The following GLRA2 variants were observed in gnomAD, a reference collection of about 807,000 sequenced individuals.
GLRA2 encodes the protein glycine receptor subunit alpha-2.
In GLRA2, 11 loss-of-function variants were observed where a neutral mutation model predicts 31.6. That is an observed-to-expected ratio of 0.35 (90% CI 0.22 to 0.58). The LOEUF is 0.58. Ranked by LOEUF, GLRA2 falls within the 20% of genes least tolerant of loss-of-function variation. The pLI is 0.84. For missense variants in GLRA2, 212 were observed against 351.8 expected (o/e 0.60, Z 3.18); for synonymous variants, 132 against 134.0 (o/e 0.99, Z 0.10).
intron 7 of GLRA2, among the ~76,000 whole-genome samples, chrX:14,662,778 G>A (rs1412051494): frequency 9.0e-6 from 1 of 111,547 alleles, no homozygotes; most frequent in African/African-American, 3.2e-5. Context: ...TTAAAACATA[G>A]GATACTGAAC....
chrX:14,490,707 C>A, the GLRA2 span, among the ~76,000 whole-genome samples: 1 of 111,751 alleles, frequency 8.9e-6, no homozygotes, highest in Non-Finnish European at 1.9e-5. Flanking sequence ...GTCATTGATG[C>A]TAAATCGGTG....
At chrX:14,516,197 G>A in the GLRA2 span, among the ~76,000 whole-genome samples, 2 of 110,754 alleles carry the variant, frequency 1.8e-5, no homozygotes, top group Admixed American at 9.6e-5. Context: ...TGGCTCTAGC[G>A]TTTCTCTATT....
chrX:14,478,708 G>A, the GLRA2 span, among the ~76,000 whole-genome samples: 1 of 112,037 alleles, frequency 8.9e-6, no homozygotes, highest in Non-Finnish European at 1.9e-5. Context: ...GAAGCTCCCA[G>A]CTAAATTTAT....
At chrX:14,515,882 A>G in the GLRA2 span, among the ~76,000 whole-genome samples, 4 of 111,810 alleles carry the variant, frequency 3.6e-5, no homozygotes, top group Non-Finnish European at 7.5e-5. Flanking sequence ...AAACCTTGAG[A>G]TGTGTGTTGA....
At chrX:14,685,998 TC>T (rs1363521044) in intron 7 of GLRA2, among the ~76,000 whole-genome samples, 2 of 112,000 alleles carry the variant, frequency 1.8e-5, no homozygotes, top group African/African-American at 6.5e-5. Context: ...TCCCAGAGAT[TC>T]TGGTATGTTG....
intron 7 of GLRA2, among the ~76,000 whole-genome samples, chrX:14,682,995 G>C (rs1213205255): frequency 9.0e-6 from 1 of 111,590 alleles, no homozygotes. Context: ...ATTGTGAATA[G>C]TGCCGCAATA....
chrX:14,490,998 C>A, the GLRA2 span, among the ~76,000 whole-genome samples: 1 of 111,717 alleles, frequency 9.0e-6, no homozygotes, highest in African/African-American at 3.3e-5. Context: ...TTTCTCCAGT[C>A]TATCTCTATT....
intron 2 of GLRA2, among the ~76,000 whole-genome samples, chrX:14,563,872 C>A (rs771778364): frequency 9.0e-6 from 1 of 111,041 alleles, no homozygotes; most frequent in Non-Finnish European, 1.9e-5. Flanking sequence ...AAGAAAGAAT[C>A]AGTTAATGAA....
the GLRA2 span, among the ~76,000 whole-genome samples, chrX:14,468,896 T>C: frequency 8.8e-4 from 97 of 110,770 alleles, no homozygotes; most frequent in Non-Finnish European, 1.7e-3. Context: ...GGTTTTGATT[T>C]GCATTTCTCT....
At chrX:14,452,025 A>T in the GLRA2 span, among the ~76,000 whole-genome samples, 1 of 112,147 alleles carries the variant, frequency 8.9e-6, no homozygotes, top group Middle Eastern at 4.6e-3. Context: ...GAATGTCATG[A>T]TGGAAAGAGG....
intron 7 of GLRA2, among the ~76,000 whole-genome samples, chrX:14,664,265 T>A (rs1322368980): frequency 8.9e-6 from 1 of 112,078 alleles, no homozygotes; most frequent in Admixed American, 9.5e-5. Flanking sequence ...AAATTCATGC[T>A]TTCCCCAGAA....
the GLRA2 span, among the ~76,000 whole-genome samples, chrX:14,509,703 T>C: frequency 1.8e-5 from 2 of 112,283 alleles, no homozygotes; most frequent in African/African-American, 6.5e-5. Context: ...AATCAAGGAA[T>C]AATGAATTAA....
At chrX:14,544,181 A>G (rs1470521479) in intron 2 of GLRA2, among the ~76,000 whole-genome samples, 1 of 112,032 alleles carries the variant, frequency 8.9e-6, no homozygotes, top group Non-Finnish European at 1.9e-5. Context: ...TGCTTCATCT[A>G]CATGAATAAA....
chrX:14,720,401 A>ACT (rs1435918705), intron 8 of GLRA2, among the ~76,000 whole-genome samples: 1 of 112,155 alleles, frequency 8.9e-6, no homozygotes, highest in African/African-American at 3.2e-5. Context: ...TCTCAGGTTA[A>ACT]GCATTTTGGA....
chrX:14,580,101 C>T (rs1379231001), intron 3 of GLRA2, among the ~76,000 whole-genome samples: 1 of 111,435 alleles, frequency 9.0e-6, no homozygotes, highest in Non-Finnish European at 1.9e-5. Flanking sequence ...TGAGGAAGTT[C>T]CCTGGATGTG....
chrX:14,713,120 T>A (rs1266263140), intron 8 of GLRA2, among the ~76,000 whole-genome samples: 1 of 111,873 alleles, frequency 8.9e-6, no homozygotes, highest in African/African-American at 3.3e-5. Flanking sequence ...ACGATAAAGA[T>A]CTAGAGAATT....
the GLRA2 span, among the ~76,000 whole-genome samples, chrX:14,487,386 G>GTAA: frequency 5.2e-5 from 1 of 19,058 alleles, no homozygotes; most frequent in South Asian, 2.8e-3. Flanking sequence ...TTGGTTTTCT[G>GTAA]TAAAAAAAAA....
chrX:14,572,935 A>G (rs191699478), intron 2 of GLRA2, among the ~76,000 whole-genome samples: 3 of 111,823 alleles, frequency 2.7e-5, no homozygotes, highest in East Asian at 5.6e-4. Flanking sequence ...CTGTTATACA[A>G]AAGTGTGCAT....
At chrX:14,658,200 G>T (rs982308516) in intron 7 of GLRA2, among the ~76,000 whole-genome samples, 1 of 111,140 alleles carries the variant, frequency 9.0e-6, no homozygotes, top group Non-Finnish European at 1.9e-5. Flanking sequence ...CCCTCATCAG[G>T]TATACACACT....
Sources: gnomAD v4.1 joint callset for allele counts (sites outside exome capture counted in the v4.1 genomes callset) on GRCh38, gnomAD v4.1.1 for gene constraint, MANE v1.5 for transcripts, NCBI Gene and HGNC (gene_info 2026-07-23, HGNC 2026-07-21) for gene names.